The following CPQ variants were observed in gnomAD, a reference collection of about 807,000 sequenced individuals.
The protein encoded by CPQ is Ser-Met dipeptidase.
CPQ carries 37 observed loss-of-function variants against 45.7 expected under a neutral mutation model. That is an observed-to-expected ratio of 0.81 (90% CI 0.62 to 1.07). CPQ has a LOEUF of 1.07. CPQ is among the 50% of genes least tolerant of loss of function. The probability of loss-of-function intolerance (pLI) is 0.00; values close to 1 mark genes in which losing one functional copy is unlikely to be tolerated. For synonymous variants in CPQ, 186 were observed against 205.8 expected (o/e 0.90, Z 0.82); for missense variants, 537 against 572.9 (o/e 0.94, Z 0.64).
intron 7 of CPQ, among the ~76,000 whole-genome samples, chr8:97,099,112 TC>T (rs1811256829): frequency 1.8e-5 from 2 of 109,066 alleles, no homozygotes; most frequent in Non-Finnish European, 3.7e-5. Flanking sequence ...CTCCCTTCTC[TC>T]TCTTTTTTTT....
intron 4 of CPQ, among the ~76,000 whole-genome samples, chr8:96,918,494 A>C (rs781426246): frequency 6.6e-6 from 1 of 152,032 alleles, no homozygotes; most frequent in Non-Finnish European, 1.5e-5. Context: ...CCACATGATC[A>C]AACTTACCAG....
At chr8:97,020,563 A>G (rs550903401) in intron 5 of CPQ, among the ~76,000 whole-genome samples, 3 of 152,302 alleles carry the variant, frequency 2.0e-5, no homozygotes, top group African/African-American at 7.2e-5. Context: ...CACCACAGAA[A>G]TGCAAAAGGT....
intron 1 of CPQ, among the ~76,000 whole-genome samples, chr8:96,769,021 T>G (rs1184420188): frequency 1.3e-5 from 2 of 152,194 alleles, no homozygotes; most frequent in Non-Finnish European, 2.9e-5. Context: ...ATTAAATCTA[T>G]ATATCTCCAA....
intron 5 of CPQ, among the ~76,000 whole-genome samples, chr8:97,004,234 CAATA>C (rs577458808): frequency 1.5e-4 from 22 of 144,852 alleles, no homozygotes; most frequent in African/African-American, 5.6e-4. Context: ...CCCATGACTG[CAATA>C]AATAAATAAG....
chr8:96,878,977 A>T (rs763279673), intron 3 of CPQ, among the ~76,000 whole-genome samples: 3 of 152,238 alleles, frequency 2.0e-5, no homozygotes, highest in Non-Finnish European at 4.4e-5. Context: ...GTTAGGAGCC[A>T]CACCTCAGGG....
At chr8:97,040,264 T>G (rs1371694710) in intron 6 of CPQ, among the ~76,000 whole-genome samples, 1 of 152,238 alleles carries the variant, frequency 6.6e-6, no homozygotes, top group African/African-American at 2.4e-5. Flanking sequence ...TGTGTCTGTT[T>G]TCTGCATAAA....
At chr8:96,969,689 TA>T (rs1412417607) in intron 5 of CPQ, among the ~76,000 whole-genome samples, 5 of 152,154 alleles carry the variant, frequency 3.3e-5, no homozygotes, top group Admixed American at 1.3e-4. Flanking sequence ...CTTGGGATTA[TA>T]GGGGGAGACA....
At chr8:97,035,217 C>A (rs1809977845) in intron 6 of CPQ, among the ~76,000 whole-genome samples, 1 of 152,110 alleles carries the variant, frequency 6.6e-6, no homozygotes, top group Non-Finnish European at 1.5e-5. Flanking sequence ...GGGTAGTTTT[C>A]TATTGTGTGA....
intron 2 of CPQ, among the ~76,000 whole-genome samples, chr8:96,814,229 A>G (rs1056208122): frequency 4.6e-5 from 7 of 152,070 alleles, no homozygotes; most frequent in Non-Finnish European, 8.8e-5. Context: ...CTGAAGCTCT[A>G]TTGTTTCCTC....
chr8:96,905,760 CAAAAAAAAA>C (rs747470074), intron 4 of CPQ, among the ~76,000 whole-genome samples: 6 of 64,856 alleles, frequency 9.3e-5, no homozygotes, highest in Admixed American at 3.4e-4. Flanking sequence ...CTGTCTTAAC[CAAAAAAAAA>C]AAAAAAAAAA....
At chr8:96,826,814 G>C (rs1811385704) in intron 2 of CPQ, among the ~76,000 whole-genome samples, 1 of 151,902 alleles carries the variant, frequency 6.6e-6, no homozygotes, top group African/African-American at 2.4e-5. Flanking sequence ...AGTGTGTGTT[G>C]TTCCCCTCCC....
rs147943158 is a variant in CPQ, at chr8:96,798,530, G to T, written c.433+13200G>T. On this transcript the variant is annotated intron_variant, in intron 2 of 7. Coordinates refer to ENST00000220763, the MANE Select transcript of CPQ (RefSeq NM_016134.4). ...AGTGATATGATGCAGTTCCATGGCC[G>T]TAAGTACCACCTTGTGCTTCAGCCA... Among the ~76,000 whole-genome samples, 349 of 152,034 alleles carry T rather than the reference G, an allele frequency of 2.3e-3. 4 individuals carry two copies. The highest frequency in any genetic ancestry group is 8.2e-3 in the African/African-American group (341 of 41,462).
chr8:96,755,196 A>T (rs947967229), intron 1 of CPQ, among the ~76,000 whole-genome samples: 1 of 151,914 alleles, frequency 6.6e-6, no homozygotes, highest in African/African-American at 2.4e-5. Context: ...ATTGTACAAA[A>T]CTCAAAGCAT....
chr8:96,842,883 G>C (rs934830043), intron 3 of CPQ, among the ~76,000 whole-genome samples: 2 of 151,962 alleles, frequency 1.3e-5, no homozygotes, highest in Non-Finnish European at 2.9e-5. Flanking sequence ...GGAGTTTTGA[G>C]GGTTTTCTTT....
At chr8:97,044,868 G>A (rs1810207726) in intron 6 of CPQ, among the ~76,000 whole-genome samples, 1 of 152,188 alleles carries the variant, frequency 6.6e-6, no homozygotes, top group Admixed American at 6.5e-5. Context: ...GGAGTACCCG[G>A]CTGTGTGAGG....
intron 6 of CPQ, among the ~76,000 whole-genome samples, chr8:97,044,148 C>T (rs1810188608): frequency 6.6e-6 from 1 of 152,214 alleles, no homozygotes; most frequent in Admixed American, 6.5e-5. Context: ...GGTCTTTTCA[C>T]ATAGTCCCCT....
At chr8:96,919,751 A>T (rs76838429) in intron 4 of CPQ, among the ~76,000 whole-genome samples, 2,820 of 152,224 alleles carry the variant, frequency 0.019, 70 homozygotes, top group African/African-American at 0.054. Flanking sequence ...CATATTTAAA[A>T]TTTTATTTCT....
At chr8:96,941,557 T>C (rs1211502141) in intron 4 of CPQ, among the ~76,000 whole-genome samples, 1 of 152,058 alleles carries the variant, frequency 6.6e-6, no homozygotes, top group Non-Finnish European at 1.5e-5. Context: ...TTACTATTAG[T>C]AGTAATGAGT....
At chr8:96,945,607 G>C (rs1278407181) in intron 4 of CPQ, among the ~76,000 whole-genome samples, 2 of 151,980 alleles carry the variant, frequency 1.3e-5, no homozygotes, top group Non-Finnish European at 2.9e-5. Context: ...TAGGAGCGTG[G>C]TTATTTTTGC....
Sources: allele counts gnomAD v4.1 joint callset (sites outside exome capture counted in the v4.1 genomes callset), GRCh38; gene constraint gnomAD v4.1.1; transcripts MANE v1.5; gene names NCBI Gene and HGNC (gene_info 2026-07-23, HGNC 2026-07-21).